The following ARHGEF28 variants were observed in gnomAD, a reference collection of about 807,000 sequenced individuals.
ARHGEF28 encodes the protein Rho guanine nucleotide exchange factor 28.
Under a neutral mutation model 206.6 loss-of-function variants are expected in ARHGEF28, and 152 were observed. The observed-to-expected ratio is 0.74, with a 90% CI of 0.64 to 0.84. The LOEUF (loss-of-function observed/expected upper bound fraction) is 0.84. Among genes scored for constraint, ARHGEF28 ranks in the 40% least tolerant of loss-of-function variants. The probability of loss-of-function intolerance (pLI) is 0.00; values close to 1 mark genes in which losing one functional copy is unlikely to be tolerated. For synonymous variants in ARHGEF28, 763 were observed against 776.4 expected (o/e 0.98, Z 0.29); for missense variants, 2,028 against 2,073.2 (o/e 0.98, Z 0.42).
intron 2 of ARHGEF28, among the ~76,000 whole-genome samples, chr5:73,737,162 G>A (rs1464844915): frequency 2.6e-5 from 4 of 152,056 alleles, no homozygotes; most frequent in African/African-American, 9.7e-5. Context: ...TAGATGCAGT[G>A]TTCCTTGTCA....
At chr5:73,688,477 T>C (rs1747605368) in intron 2 of ARHGEF28, among the ~76,000 whole-genome samples, 1 of 152,072 alleles carries the variant, frequency 6.6e-6, no homozygotes, top group Non-Finnish European at 1.5e-5. Flanking sequence ...TATAGAAAAA[T>C]CTATGGATGT....
chr5:73,868,276 C>A, intron 20 of ARHGEF28, 49 bp downstream of exon 20: 1 of 1,516,534 alleles, frequency 6.6e-7, no homozygotes, highest in Non-Finnish European at 8.9e-7. Flanking sequence ...TTAGCATTTG[C>A]CAAAATGACA....
At chr5:73,868,750 G>A (rs1002931645) in intron 20 of ARHGEF28, among the ~76,000 whole-genome samples, 70 of 152,152 alleles carry the variant, frequency 4.6e-4, no homozygotes, top group African/African-American at 1.6e-3. Flanking sequence ...AGGTTCAAGC[G>A]ATTCTCCTGC....
At chr5:73,823,302 A>G (rs1168164895) in intron 9 of ARHGEF28, among the ~76,000 whole-genome samples, 2 of 152,242 alleles carry the variant, frequency 1.3e-5, no homozygotes, top group African/African-American at 4.8e-5. Context: ...ATATTATCAG[A>G]TATGGTCGAC....
At chr5:73,674,244 C>A (rs1015374018) in intron 1 of ARHGEF28, among the ~76,000 whole-genome samples, 2 of 152,188 alleles carry the variant, frequency 1.3e-5, no homozygotes, top group African/African-American at 4.8e-5. Context: ...AGCCTGTATT[C>A]CTAACTGTGA....
At chr5:73,849,320 C>G (rs1758561678) in intron 13 of ARHGEF28, among the ~76,000 whole-genome samples, 1 of 151,988 alleles carries the variant, frequency 6.6e-6, no homozygotes, top group Non-Finnish European at 1.5e-5. Context: ...CTCTCTGTTA[C>G]TTTATTCTTT....
intron 26 of ARHGEF28, among the ~76,000 whole-genome samples, 156 bp from the exon 27 acceptor site, chr5:73,891,896 T>G (rs73762539): frequency 0.016 from 2,508 of 152,262 alleles, 64 homozygotes; most frequent in African/African-American, 0.054. Flanking sequence ...CCATACCGTC[T>G]CCATTGGAGA....
chr5:73,742,085 G>A (rs28760009), intron 2 of ARHGEF28, among the ~76,000 whole-genome samples: 46,590 of 151,906 alleles, frequency 0.31, 7,356 homozygotes, highest in African/African-American at 0.37. Context: ...CTAGTAATAT[G>A]TGTTGCTTTA....
Position 73,752,964 on chromosome 5 carries a change from C to T in ARHGEF28, c.237C>T (p.Tyr79=). 2.5e-6 allele frequency: 4 copies of T among 1,613,832 alleles called. No individual in the cohort carries two copies. The highest frequency in any genetic ancestry group is 1.7e-5 in the Admixed American group (1 of 60,010). Residue 79 remains tyrosine, a synonymous_variant, in exon 4 of 36, where the codon TAC becomes TAT. Coordinates refer to ENST00000513042, the MANE Select transcript of ARHGEF28 (RefSeq NM_001177693.2). ...TVSVCLCSEG[Y]SPVTMGSGSV... is the part of the protein sequence containing the mutation. ...CTGTGTGCCTCTGCTCGGAAGGTTA[C>T]TCTCCGGTGACCATGGGCTCTGGCT...
At chr5:73,668,570 G>A (rs1167777584) in intron 1 of ARHGEF28, among the ~76,000 whole-genome samples, 1 of 152,168 alleles carries the variant, frequency 6.6e-6, no homozygotes, top group Non-Finnish European at 1.5e-5. Context: ...ACTGTTGCAC[G>A]GGGTTTAAGT....
chr5:73,910,944 C>T (rs1038624589), intron 34 of ARHGEF28, among the ~76,000 whole-genome samples: 4 of 152,184 alleles, frequency 2.6e-5, no homozygotes, highest in African/African-American at 9.7e-5. Flanking sequence ...GCAAACTCCT[C>T]ATGTATATAT....
intron 9 of ARHGEF28, among the ~76,000 whole-genome samples, chr5:73,830,729 A>T (rs551985325): frequency 1.1e-4 from 17 of 152,280 alleles, no homozygotes; most frequent in Admixed American, 1.0e-3. Flanking sequence ...CAACTTTGGA[A>T]CTTTTATGAT....
At chr5:73,711,512 T>C (rs1436971588) in intron 2 of ARHGEF28, among the ~76,000 whole-genome samples, 1 of 152,164 alleles carries the variant, frequency 6.6e-6, no homozygotes, top group Non-Finnish European at 1.5e-5. Context: ...ATCAGGGTTT[T>C]ATTGTTTTTA....
intron 22 of ARHGEF28, among the ~76,000 whole-genome samples, chr5:73,877,610 TG>T: frequency 6.7e-6 from 1 of 148,326 alleles, no homozygotes; most frequent in African/African-American, 2.5e-5. Flanking sequence ...CCAGAGATTC[TG>T]GTATGTTGTG....
In ARHGEF28 at chr5:73,876,630, AG is replaced by A. The variant is rs1400741777; in HGVS notation, c.2814+3387del. Among the ~76,000 whole-genome samples the A allele has an allele frequency of 7.5e-3, 1,106 of 147,862 alleles. 1 individual carries two copies. Among genetic ancestry groups the A allele is most frequent in the African/African-American group, 0.027 (1,057 of 39,634 alleles). Reference sequence around the variant, plus strand: ...AATTTATTGAGAGTTTTTAGCATGAAGGGTTGTTGAATTTTGTCAAAGGCCT... The same window carrying A: ...AATTTATTGAGAGTTTTTAGCATGAAGGTTGTTGAATTTTGTCAAAGGCCT... On this transcript the variant is annotated intron_variant, in intron 22 of 35. Coordinates refer to ENST00000513042, the MANE Select transcript of ARHGEF28 (RefSeq NM_001177693.2).
intron 9 of ARHGEF28, among the ~76,000 whole-genome samples, chr5:73,820,740 G>A (rs1015688448): frequency 6.6e-6 from 1 of 152,140 alleles, no homozygotes; most frequent in Admixed American, 6.5e-5. Context: ...CAGGCCACAG[G>A]TGCTCAATTC....
chr5:73,827,382 C>A (rs1471020606), intron 9 of ARHGEF28, among the ~76,000 whole-genome samples: 41 of 152,094 alleles, frequency 2.7e-4, no homozygotes, highest in Admixed American at 2.7e-3. Flanking sequence ...AATTATGCAA[C>A]CTCATTTACT....
intron 9 of ARHGEF28, among the ~76,000 whole-genome samples, chr5:73,816,994 T>C (rs1465445717): frequency 6.6e-6 from 1 of 152,258 alleles, no homozygotes; most frequent in Non-Finnish European, 1.5e-5. Flanking sequence ...AAATAGGAGA[T>C]TCAATCAAGA....
intron 2 of ARHGEF28, among the ~76,000 whole-genome samples, chr5:73,705,041 T>G (rs1748853295): frequency 6.6e-6 from 1 of 152,238 alleles, no homozygotes; most frequent in Non-Finnish European, 1.5e-5. Context: ...CATGTGCATG[T>G]TGAAAGAGTT....
Sources: allele counts gnomAD v4.1 joint callset (sites outside exome capture counted in the v4.1 genomes callset), GRCh38; gene constraint gnomAD v4.1.1; transcripts MANE v1.5; gene names NCBI Gene and HGNC (gene_info 2026-07-23, HGNC 2026-07-21).